PDE3B: variants seen among roughly 807,000 people sequenced by gnomAD.
The protein encoded by PDE3B is phosphodiesterase 3B.
In PDE3B, 66 loss-of-function variants were observed where a neutral mutation model predicts 116.8. The observed-to-expected ratio is 0.56, with a 90% CI of 0.46 to 0.69. The LOEUF is 0.69. Ranked by LOEUF, PDE3B falls within the 30% of genes least tolerant of loss-of-function variation. The pLI, the probability that PDE3B is intolerant of heterozygous loss-of-function variation, is 0.00. For synonymous variants in PDE3B, 595 were observed against 533.6 expected (o/e 1.12, Z -1.59); for missense variants, 1,384 against 1,368.1 (o/e 1.01, Z -0.18).
chr11:14,873,984 C>T (rs1189721119), downstream of PDE3B, among the ~76,000 whole-genome samples: 1 of 152,064 alleles, frequency 6.6e-6, no homozygotes, highest in Non-Finnish European at 1.5e-5. Flanking sequence ...CTCAGGAGTT[C>T]GAGACCAGCC....
intron 4 of PDE3B, 101 bp from the exon 5 acceptor site, chr11:14,803,843 T>A: frequency 1.4e-6 from 1 of 707,526 alleles, no homozygotes; most frequent in Non-Finnish European, 2.4e-6. Context: ...AAACTCTGAA[T>A]TTATGAGGAT....
At chr11:14,886,599 C>A in the PDE3B span, 1 of 152,556 alleles carries the variant, frequency 6.6e-6, no homozygotes. Context: ...CTGCCCTGTG[C>A]CTCACCCCAG....
chr11:14,859,648 TA>T (rs1241048166), intron 13 of PDE3B, among the ~76,000 whole-genome samples: 2 of 152,210 alleles, frequency 1.3e-5, no homozygotes, highest in Non-Finnish European at 2.9e-5. Flanking sequence ...TCCAGTTAAT[TA>T]TGTCTACCTC....
rs925945506 is a variant in PDE3B at position 14,774,990 on chromosome 11, A to C, written c.1029+3003A>C. 5 of 152,220 alleles carry C rather than the reference A, an allele frequency of 3.3e-5. No homozygotes were observed. The East Asian group carries it at 9.6e-4, about 29-fold the overall frequency. The allele number at this position is 152,220 out of a possible 1,614,324, so 9.4% of individuals were successfully genotyped here. A position where few individuals can be genotyped will look rare whatever the true frequency, so the allele number is the denominator to read the frequency against. The stretch of plus-strand genomic sequence containing the variant: ...GCACTTGCTAGTCTCTCTGCCTGGG[A>C]TGCTTATTTCCCACACTTTGTCATG... On this transcript the variant is annotated intron_variant, in intron 2 of 15. Coordinates refer to ENST00000282096, the MANE Select transcript of PDE3B (RefSeq NM_000922.4).
At chr11:14,756,814 T>TA (rs1554989950) in intron 1 of PDE3B, among the ~76,000 whole-genome samples, 4 of 150,192 alleles carry the variant, frequency 2.7e-5, no homozygotes, top group Non-Finnish European at 5.9e-5. Context: ...TTTTTTTTTT[T>TA]ATTATACTTT....
intron 12 of PDE3B, among the ~76,000 whole-genome samples, chr11:14,849,087 T>C (rs1847680155): frequency 6.6e-6 from 1 of 151,960 alleles, no homozygotes; most frequent in African/African-American, 2.4e-5. Flanking sequence ...CTTCAAACTA[T>C]ACTACAAGGC....
intron 15 of PDE3B, among the ~76,000 whole-genome samples, chr11:14,868,344 C>T (rs1408788889): frequency 6.6e-6 from 1 of 152,122 alleles, no homozygotes; most frequent in Non-Finnish European, 1.5e-5. Flanking sequence ...ACATCTCACC[C>T]CCAATCCCAC....
downstream of PDE3B, among the ~76,000 whole-genome samples, chr11:14,876,773 G>A (rs1032950407): frequency 2.6e-5 from 4 of 152,062 alleles, no homozygotes; most frequent in African/African-American, 9.7e-5. Flanking sequence ...TCATCTGGAA[G>A]GCAAAATTCA....
Position 14,722,479 on chromosome 11 carries a change from C to T in PDE3B, c.979-49458C>T, listed in dbSNP as rs115116076. Among the ~76,000 whole-genome samples, 671 of 152,078 alleles carry T rather than the reference C, an allele frequency of 4.4e-3. 3 individuals are homozygous for T. Among genetic ancestry groups the T allele is most frequent in the African/African-American group, 0.014 (598 of 41,478 alleles). On this transcript the variant is annotated intron_variant, in intron 1 of 15. Transcript: ENST00000282096. ...TCAAGAGAGAAACTTTTTCCAAAGA[C>T]GAAACAAGGAGAAATTTATTCCGTT...
At chr11:14,722,231 A>G (rs868084745) in intron 1 of PDE3B, among the ~76,000 whole-genome samples, 1 of 152,054 alleles carries the variant, frequency 6.6e-6, no homozygotes, top group African/African-American at 2.4e-5. Flanking sequence ...TAATGGGTGC[A>G]GCACACCAAC....
intron 1 of PDE3B, among the ~76,000 whole-genome samples, chr11:14,713,631 A>G (rs1855772881): frequency 6.6e-6 from 1 of 151,370 alleles, no homozygotes; most frequent in Non-Finnish European, 1.5e-5. Flanking sequence ...TGCTCCCACA[A>G]CTCTGCACAT....
intron 1 of PDE3B, among the ~76,000 whole-genome samples, chr11:14,666,795 A>G (rs1478425134): frequency 6.6e-6 from 1 of 152,194 alleles, no homozygotes; most frequent in Non-Finnish European, 1.5e-5. Context: ...CAGGTGCTGG[A>G]GAGGATGTGG....
intron 1 of PDE3B, among the ~76,000 whole-genome samples, chr11:14,653,055 T>C (rs1216065654): frequency 6.6e-6 from 1 of 152,256 alleles, no homozygotes; most frequent in African/African-American, 2.4e-5. Flanking sequence ...TAGAACTGTT[T>C]TCTTAATTTC....
chr11:14,731,255 AT>A (rs778089171), intron 1 of PDE3B, among the ~76,000 whole-genome samples: 8,517 of 121,048 alleles, frequency 0.07, 175 homozygotes, highest in South Asian at 0.083. Flanking sequence ...TTTTACTTTG[AT>A]TTTTTTTTTT....
chr11:14,761,061 T>C (rs1347922344), intron 1 of PDE3B, among the ~76,000 whole-genome samples: 1 of 152,160 alleles, frequency 6.6e-6, no homozygotes, highest in Admixed American at 6.5e-5. Context: ...TAGCACAATT[T>C]ATCATTGTGC....
At chr11:14,843,751 A>T in intron 11 of PDE3B, 76 bp from the exon 12 acceptor site, 1 of 1,080,810 alleles carries the variant, frequency 9.3e-7, no homozygotes, top group Admixed American at 1.7e-5. Flanking sequence ...ATTACCTATG[A>T]GAATCCCCTC....
intron 1 of PDE3B, among the ~76,000 whole-genome samples, chr11:14,710,066 C>T (rs1412462704): frequency 2.0e-5 from 3 of 152,010 alleles, no homozygotes; most frequent in Non-Finnish European, 4.4e-5. Context: ...GTTAGGAGGA[C>T]CTTATAGAAG....
chr11:14,869,001 A>T (rs1848096953), intron 15 of PDE3B, among the ~76,000 whole-genome samples: 1 of 152,072 alleles, frequency 6.6e-6, no homozygotes, highest in African/African-American at 2.4e-5. Context: ...AGCCTGGGCG[A>T]CAGAGCAAGA....
chr11:14,658,602 G>T (rs532663122), intron 1 of PDE3B, among the ~76,000 whole-genome samples: 1 of 152,122 alleles, frequency 6.6e-6, no homozygotes, highest in Non-Finnish European at 1.5e-5. Flanking sequence ...TGATCCGCCC[G>T]CCTCGGCCTC....
Sources: allele counts gnomAD v4.1 joint callset (sites outside exome capture counted in the v4.1 genomes callset), GRCh38; gene constraint gnomAD v4.1.1; transcripts MANE v1.5; gene names NCBI Gene and HGNC (gene_info 2026-07-23, HGNC 2026-07-21).